Variants in MYO5C observed in about 807,000 individuals in gnomAD.
The protein encoded by MYO5C is myosin VC.
MYO5C carries 194 observed loss-of-function variants against 235.7 expected under a neutral mutation model. The observed-to-expected ratio is 0.82, with a 90% CI of 0.73 to 0.93. The LOEUF (loss-of-function observed/expected upper bound fraction) is 0.93, where lower values mean the gene tolerates loss of function less well. Among genes scored for constraint, MYO5C ranks in the 40% least tolerant of loss-of-function variants. The probability of loss-of-function intolerance (pLI) is 0.00; values close to 1 mark genes in which losing one functional copy is unlikely to be tolerated. For synonymous variants in MYO5C, 707 were observed against 754.8 expected, an observed-to-expected ratio of 0.94 and a Z score of 1.04; for missense variants, 2,038 against 2,127.2, an observed-to-expected ratio of 0.96 and a Z score of 0.82.
chr15:52,199,364 C>A (rs934402912), intron 38 of MYO5C, among the ~76,000 whole-genome samples: 26 of 152,132 alleles, frequency 1.7e-4, no homozygotes, highest in Non-Finnish European at 2.9e-4. Flanking sequence ...ATGGAGTAAC[C>A]ACACTCCATC....
At chr15:52,228,358 G>T (rs551819924) in intron 25 of MYO5C, among the ~76,000 whole-genome samples, 2 of 152,196 alleles carry the variant, frequency 1.3e-5, no homozygotes, top group Admixed American at 6.5e-5. Context: ...TGGTCAGGCT[G>T]GTCTAGAACC....
At chr15:52,277,346 C>A (rs150897248) in intron 4 of MYO5C, 29 of 478,692 alleles carry the variant, frequency 6.1e-5, no homozygotes, top group Non-Finnish European at 1.2e-4. Flanking sequence ...CCCACCCATA[C>A]CCAGTCCCTA....
chr15:52,217,146 G>A (rs2035573347), intron 32 of MYO5C, among the ~76,000 whole-genome samples: 1 of 152,202 alleles, frequency 6.6e-6, no homozygotes, highest in Non-Finnish European at 1.5e-5. Context: ...GGTAGAATCC[G>A]CCGGCTAATG....
intron 1 of MYO5C, among the ~76,000 whole-genome samples, chr15:52,295,088 G>C (rs1408363544): frequency 2.0e-5 from 3 of 152,230 alleles, no homozygotes; most frequent in Admixed American, 6.5e-5. Flanking sequence ...AAAGCAGCCC[G>C]AACACTGCGG....
At chr15:52,261,167 A>G (rs954159267) in intron 9 of MYO5C, 40 bp from the exon 10 acceptor site, 1 of 1,604,094 alleles carries the variant, frequency 6.2e-7, no homozygotes, top group East Asian at 2.2e-5. Flanking sequence ...TGGCCCAGCC[A>G]TCCAAAGACA....
At chr15:52,229,397 G>T in intron 24 of MYO5C, 84 bp from the exon 25 acceptor site, 1 of 1,327,234 alleles carries the variant, frequency 7.5e-7, no homozygotes, top group East Asian at 2.4e-5. Flanking sequence ...GGCCAAGGCA[G>T]GCGGATCCCT....
intron 1 of MYO5C, among the ~76,000 whole-genome samples, chr15:52,288,605 C>G (rs1295353839): frequency 1.3e-5 from 2 of 152,236 alleles, no homozygotes; most frequent in Non-Finnish European, 2.9e-5. Flanking sequence ...TCACATTCCT[C>G]TACCCACAAA....
At chr15:52,232,997 A>AAACCCTTTGGGAAGAAAATGATCCATTT (rs1462536206) in intron 23 of MYO5C, among the ~76,000 whole-genome samples, 2 of 58,802 alleles carry the variant, frequency 3.4e-5, no homozygotes, top group Admixed American at 1.7e-4. Flanking sequence ...AAATAAATAG[A>AAACCCTTTGGGAAGAAAATGATCCATTT]GGCCGGGCGC....
chr15:52,203,638 G>A (rs554758254), intron 38 of MYO5C, among the ~76,000 whole-genome samples: 8 of 152,282 alleles, frequency 5.3e-5, no homozygotes, highest in South Asian at 2.1e-4. Context: ...GAGCCACCCC[G>A]CCCGGCCTCT....
At chr15:52,249,274 T>C (rs1040341678) in intron 13 of MYO5C, among the ~76,000 whole-genome samples, 1 of 152,074 alleles carries the variant, frequency 6.6e-6, no homozygotes, top group African/African-American at 2.4e-5. Flanking sequence ...TTAGAGTGGG[T>C]CAACCTTTGC....
intron 8 of MYO5C, among the ~76,000 whole-genome samples, chr15:52,268,072 T>A (rs1003698468): frequency 6.6e-6 from 1 of 152,346 alleles, no homozygotes; most frequent in Non-Finnish European, 1.5e-5. Flanking sequence ...GAGGGAACAG[T>A]CTGATGGTGA....
At position 52,244,451 on chromosome 15, in the gene MYO5C, CT is replaced by C; in HGVS notation, c.2294del (p.Lys765SerfsTer20). 1 of 1,614,200 alleles carries C rather than the reference CT, an allele frequency of 6.2e-7. No individual in the cohort carries two copies. Among genetic ancestry groups the C allele is most frequent in the Non-Finnish European group, 8.5e-7 (1 of 1,180,028 alleles). On this transcript the variant is annotated frameshift_variant, in exon 19 of 41. Coordinates refer to ENST00000261839, the MANE Select transcript of MYO5C (RefSeq NM_018728.4). LOFTEE classifies it high-confidence loss of function. ...TCCTCTGGAGCCAGCCACGCATGTG[CT>C]TTTGTACCATAACACAACTCTGCCT... ...KLRQSCVMVQ[K>X]HMRGWLQRKK...
chr15:52,263,466 G>A (rs932652897), intron 9 of MYO5C, among the ~76,000 whole-genome samples: 4 of 152,174 alleles, frequency 2.6e-5, no homozygotes, highest in South Asian at 2.1e-4. Flanking sequence ...TCAAGCAGGT[G>A]TAAGGAGGTA....
At chr15:52,219,392 C>G (rs1344384795) in intron 31 of MYO5C, among the ~76,000 whole-genome samples, 1 of 152,204 alleles carries the variant, frequency 6.6e-6, no homozygotes, top group Non-Finnish European at 1.5e-5. Context: ...CTCTCACACA[C>G]TCTTATCTGT....
At chr15:52,220,567 C>T (rs912714316) in intron 30 of MYO5C, among the ~76,000 whole-genome samples, 2 of 152,024 alleles carry the variant, frequency 1.3e-5, no homozygotes, top group Middle Eastern at 3.4e-3. Flanking sequence ...GGCTGTAATC[C>T]CAGAACATCG....
In MYO5C at chr15:52,216,914, C is replaced by T. The variant is rs377048292; in HGVS notation, c.3954+1605G>A. Among the ~76,000 whole-genome samples, 32 of 152,294 alleles carry T rather than the reference C, an allele frequency of 2.1e-4. No homozygotes were observed. In the South Asian group the frequency reaches 6.4e-3, roughly 31 times the overall value. Reference sequence around the variant, plus strand: ...CAGAGAGGCAGAGGCTGGAGTTACACTGTTCCAAACCAAGGAATGCCTGGA... The same window carrying T: ...CAGAGAGGCAGAGGCTGGAGTTACATTGTTCCAAACCAAGGAATGCCTGGA... On this transcript the variant is annotated intron_variant, in intron 32 of 40. Coordinates refer to ENST00000261839, the MANE Select transcript of MYO5C (RefSeq NM_018728.4).
At chr15:52,286,786 C>A (rs1262030748) in intron 1 of MYO5C, among the ~76,000 whole-genome samples, 4 of 151,850 alleles carry the variant, frequency 2.6e-5, no homozygotes, top group Non-Finnish European at 5.9e-5. Context: ...CTCAAGTACC[C>A]AGGGACACAA....
Position 52,192,849 on chromosome 15 carries a change from A to G in MYO5C, c.*1053T>C, listed in dbSNP as rs1197742441. On this transcript the variant is annotated 3_prime_UTR_variant, in exon 41 of 41. Transcript: ENST00000261839. ...GTTGTTTTAAAAAAGTTATTGTATG[A>G]AAGGTATTAAAAAATAAAAAAATTA... 1.7e-5 allele frequency: 2 copies of G among 114,760 alleles called. No individual in the cohort carries two copies. Among genetic ancestry groups the G allele is most frequent in the Non-Finnish European group, 4.6e-5 (2 of 43,952 alleles). The allele number at this position is 114,760 out of a possible 1,614,324, so 7.1% of individuals were successfully genotyped here.
At chr15:52,209,304 A>C (rs757601907) in intron 35 of MYO5C, among the ~76,000 whole-genome samples, 1 of 152,154 alleles carries the variant, frequency 6.6e-6, no homozygotes, top group African/African-American at 2.4e-5. Context: ...GTAAAGAAAC[A>C]CCACTGGTTT....
Sources: gnomAD v4.1 joint callset for allele counts (sites outside exome capture counted in the v4.1 genomes callset) on GRCh38, gnomAD v4.1.1 for gene constraint, MANE v1.5 for transcripts, NCBI Gene and HGNC (gene_info 2026-07-23, HGNC 2026-07-21) for gene names.